Variants in ENOPH1 observed in about 807,000 individuals in gnomAD.
ENOPH1 encodes enolase-phosphatase 1, also known as enolase-phosphatase E1.
A neutral mutation model predicts 31.1 loss-of-function variants in ENOPH1; 14 were observed. That is an observed-to-expected ratio of 0.45 (90% confidence interval 0.30 to 0.70). ENOPH1 has a LOEUF of 0.70. Ranked by LOEUF, ENOPH1 falls within the 30% of genes least tolerant of loss-of-function variation. ENOPH1 has a pLI of 0.09. For missense variants in ENOPH1, 243 were observed against 321.5 expected, an observed-to-expected ratio of 0.76 and a Z score of 1.87; for synonymous variants, 127 against 123.2, an observed-to-expected ratio of 1.03 and a Z score of -0.21.
Position 82,460,099 on chromosome 4 carries a change from A to G in ENOPH1, c.765A>G (p.Leu255=). 1 of 1,614,226 alleles carries G rather than the reference A, an allele frequency of 6.2e-7. No homozygotes were observed. The highest frequency in any genetic ancestry group is 8.5e-7 in the Non-Finnish European group (1 of 1,180,038). The change falls in exon 6 of 6, where the codon CTA becomes CTG. Residue 255 remains leucine, a synonymous_variant. Coordinates refer to ENST00000273920, the MANE Select transcript of ENOPH1 (RefSeq NM_021204.5). ...GCCTCATCACATCCTTCAGTGAACT[A>G]TACCTGCCTTCCTCAACCTAGAGAA... The part of the protein sequence containing the change: ...YYSLITSFSE[L]YLPSST
At chr4:82,439,195 T>C (rs1721980975) in intron 1 of ENOPH1, among the ~76,000 whole-genome samples, 1 of 152,228 alleles carries the variant, frequency 6.6e-6, no homozygotes, top group Non-Finnish European at 1.5e-5. Context: ...GCCTTCTAGG[T>C]ATGTGCATGA....
intron 5 of ENOPH1, among the ~76,000 whole-genome samples, chr4:82,458,527 AAAAAT>A (rs1560469543): frequency 6.6e-6 from 1 of 152,196 alleles, no homozygotes; most frequent in Non-Finnish European, 1.5e-5. Flanking sequence ...CAATAAAATA[AAAAAT>A]AAAATCCCAA....
intron 5 of ENOPH1, among the ~76,000 whole-genome samples, chr4:82,458,796 A>G (rs776988228): frequency 1.1e-4 from 16 of 152,276 alleles, no homozygotes; most frequent in South Asian, 4.1e-4. Context: ...CCTTTCTCCA[A>G]TGGCATCTGC....
intron 2 of ENOPH1, among the ~76,000 whole-genome samples, chr4:82,449,057 C>A (rs1297903958): frequency 1.4e-3 from 68 of 49,456 alleles, no homozygotes; most frequent in South Asian, 2.5e-3. Flanking sequence ...GACTCCGTCT[C>A]AAAAAAAAAA....
At chr4:82,432,615 G>A (rs1322263283) in intron 1 of ENOPH1, among the ~76,000 whole-genome samples, 1 of 149,532 alleles carries the variant, frequency 6.7e-6, no homozygotes, top group East Asian at 2.0e-4. Context: ...AATTACAGGC[G>A]TGAACCATGG....
intron 3 of ENOPH1, among the ~76,000 whole-genome samples, chr4:82,451,818 A>T (rs1414310190): frequency 1.3e-5 from 2 of 151,978 alleles, no homozygotes; most frequent in Non-Finnish European, 2.9e-5. Context: ...ACAGGGTCCT[A>T]CTCTGTTGGC....
Position 82,430,694 on chromosome 4 carries a change from C to G in ENOPH1, c.-136C>G. 1 of 727,204 alleles carries G rather than the reference C, an allele frequency of 1.4e-6. No individual in the cohort carries two copies. Among genetic ancestry groups the G allele is most frequent in the Non-Finnish European group, 2.3e-6 (1 of 435,600 alleles). 45.0% of individuals were successfully genotyped at this position (727,204 alleles called of 1,614,324 possible). A position where few individuals can be genotyped will look rare whatever the true frequency, so the allele number is the denominator to read the frequency against. On this transcript the variant is annotated 5_prime_UTR_variant, in exon 1 of 6. Coordinates refer to ENST00000273920, the MANE Select transcript of ENOPH1 (RefSeq NM_021204.5). ...GTGTCCTCTCCCCACGCGCGGCGGG[C>G]TGCACTTGGTCGCTGGCTCCGAGAT...
At position 82,430,642 on chromosome 4, in the gene ENOPH1, G is replaced by A; in HGVS notation, c.-188G>A. 1.7e-6 allele frequency: 1 copy of A among 578,030 alleles called. No homozygotes were observed. Among genetic ancestry groups the A allele is most frequent in the South Asian group, 2.1e-5 (1 of 48,458 alleles). 35.8% of individuals were successfully genotyped at this position (578,030 alleles called of 1,614,324 possible). A position where few individuals can be genotyped will look rare whatever the true frequency, so the allele number is the denominator to read the frequency against. On this transcript the variant is annotated 5_prime_UTR_variant, in exon 1 of 6. Coordinates refer to ENST00000273920, the MANE Select transcript of ENOPH1 (RefSeq NM_021204.5). ...ACGAGTTCAGGGCTCCTGGGCGGCC[G>A]CCTTTTCCAGTTCCAGGTGTGCAGA...
intron 1 of ENOPH1, among the ~76,000 whole-genome samples, chr4:82,443,401 C>T (rs929170072): frequency 1.4e-5 from 2 of 147,776 alleles, no homozygotes; most frequent in Admixed American, 6.7e-5. Context: ...CATGCCACTG[C>T]ACTCCGTCCA....
chr4:82,430,606 C>A lies in ENOPH1; in HGVS notation c.-224C>A. ...GCCCACGTGGTCTCGGGCTCCTGCC[C>A]CGTCCTGCTCACGAGTTCAGGGCTC... is the stretch of plus-strand genomic sequence containing the variant. On this transcript the variant is annotated 5_prime_UTR_variant, in exon 1 of 6. Coordinates refer to ENST00000273920, the MANE Select transcript of ENOPH1 (RefSeq NM_021204.5). The A allele has an allele frequency of 1.8e-6, 1 of 549,660 alleles. No homozygotes were observed. The highest frequency in any genetic ancestry group is 2.2e-5 in the South Asian group (1 of 45,092). 34.0% of individuals were successfully genotyped at this position (549,660 alleles called of 1,614,324 possible). A position where few individuals can be genotyped will look rare whatever the true frequency, so the allele number is the denominator to read the frequency against.
chr4:82,432,892 G>A (rs191908765), intron 1 of ENOPH1, among the ~76,000 whole-genome samples: 20 of 152,314 alleles, frequency 1.3e-4, no homozygotes, highest in African/African-American at 3.8e-4. Flanking sequence ...TTATAGGCGC[G>A]AGCCACCGCG....
At chr4:82,454,542 T>C (rs1452399281) in intron 3 of ENOPH1, among the ~76,000 whole-genome samples, 180 bp from the exon 4 acceptor site, 1 of 152,366 alleles carries the variant, frequency 6.6e-6, no homozygotes, top group East Asian at 1.9e-4. Context: ...TCTAATCTGC[T>C]GTGAGCCTGG....
Position 82,457,050 on chromosome 4 carries a change from A to T in ENOPH1, c.646+12A>T. ...AGATGTTACTCGAGGTGAGTAATAG[A>T]CTTCTTATATTATATACTCCAGGAT... On this transcript the variant is annotated intron_variant, in intron 5 of 5. Transcript: ENST00000273920. The T allele has an allele frequency of 2.1e-5, 34 of 1,612,970 alleles. No homozygotes were observed. The highest frequency in any genetic ancestry group is 2.5e-5 in the Non-Finnish European group (30 of 1,179,380).
intron 1 of ENOPH1, among the ~76,000 whole-genome samples, chr4:82,442,531 CAAAA>C (rs139764116): frequency 1.3e-5 from 2 of 151,030 alleles, no homozygotes; most frequent in Non-Finnish European, 3.0e-5. Flanking sequence ...AAAAAACAAA[CAAAA>C]AAAACACTGT....
chr4:82,457,859 T>A (rs1722531131), intron 5 of ENOPH1, among the ~76,000 whole-genome samples: 1 of 152,268 alleles, frequency 6.6e-6, no homozygotes, highest in African/African-American at 2.4e-5. Context: ...GTTTAGCCAC[T>A]TAATTTTTGT....
intron 5 of ENOPH1, 43 bp from the exon 6 acceptor site, chr4:82,459,935 ATTT>A (rs746989974): frequency 1.2e-6 from 2 of 1,603,896 alleles, no homozygotes. Flanking sequence ...CTCAGACATC[ATTT>A]TTTGGTGTTT....
In ENOPH1 at chr4:82,439,305, C is replaced by T. The variant is rs146901128; in HGVS notation, c.84+8392C>T. On this transcript the variant is annotated intron_variant, in intron 1 of 5. Coordinates refer to ENST00000273920, the MANE Select transcript of ENOPH1 (RefSeq NM_021204.5). ...TCTAAAAAGTGTGGACCTGGTACCC[C>T]TTTACTGAGTAAAGAGAAACTAAGG... is the stretch of plus-strand genomic sequence containing the variant. 3.9e-3 allele frequency among the ~76,000 whole-genome samples: 594 copies of T among 152,278 alleles called. 4 individuals are homozygous for T. The highest frequency in any genetic ancestry group is 0.013 in the African/African-American group (556 of 41,550).
At chr4:82,446,027 G>T (rs1722165779) in intron 1 of ENOPH1, among the ~76,000 whole-genome samples, 1 of 152,170 alleles carries the variant, frequency 6.6e-6, no homozygotes. Flanking sequence ...TAAGTTGGTT[G>T]TGCTTGTGAT....
intron 3 of ENOPH1, 71 bp downstream of exon 3, chr4:82,451,316 T>G: frequency 9.1e-6 from 13 of 1,433,238 alleles, no homozygotes; most frequent in South Asian, 1.2e-5. Flanking sequence ...CAGTCCTCTC[T>G]TTCCAGCGTA....
Sources: allele counts gnomAD v4.1 joint callset (sites outside exome capture counted in the v4.1 genomes callset), GRCh38; gene constraint gnomAD v4.1.1; transcripts MANE v1.5; gene names NCBI Gene and HGNC (gene_info 2026-07-23, HGNC 2026-07-21).